The following ADAMTS12 variants were observed in gnomAD, a reference collection of about 807,000 sequenced individuals.
ADAMTS12 encodes the protein A disintegrin and metalloproteinase with thrombospondin motifs 12.
Under a neutral mutation model 167.8 loss-of-function variants are expected in ADAMTS12, and 118 were observed. The observed-to-expected ratio is 0.70, with a 90% CI of 0.61 to 0.82. The LOEUF (loss-of-function observed/expected upper bound fraction) is 0.82, where lower values mean the gene tolerates loss of function less well. Ranked by LOEUF, ADAMTS12 falls within the 40% of genes least tolerant of loss-of-function variation. The pLI is 0.00. For missense variants in ADAMTS12, 1,916 were observed against 1,998.8 expected, an observed-to-expected ratio of 0.96 and a Z score of 0.79; for synonymous variants, 704 against 716.9, an observed-to-expected ratio of 0.98 and a Z score of 0.29.
rs147663796 is a variant in ADAMTS12, at chr5:33,715,535, A to G, written c.635-31480T>C. ...AAACTTTGGCTAGGGGAATCTCTGG[A>G]ATGATAAAGGTTATTGAGATGCAAT... On this transcript the variant is annotated intron_variant, in intron 3 of 23. Transcript: ENST00000504830. 3.3e-4 allele frequency among the ~76,000 whole-genome samples: 50 copies of G among 152,250 alleles called. 1 individual carries two copies. In the East Asian group the frequency reaches 8.1e-3, roughly 25 times the overall value.
chr5:33,850,399 T>C lies in ADAMTS12; in HGVS notation c.489+30720A>G, dbSNP rs529852599. 1.1e-4 allele frequency among the ~76,000 whole-genome samples: 17 copies of C among 152,322 alleles called. No individual in the cohort carries two copies. In the South Asian group the frequency reaches 3.3e-3, roughly 30 times the overall value. ...CAAGAGAGTTCTTGGTGTGGCACTA[T>C]GCTAAGTGCTACACACCCATCCTCC... On this transcript the variant is annotated intron_variant, in intron 2 of 23. Coordinates refer to ENST00000504830, the MANE Select transcript of ADAMTS12 (RefSeq NM_030955.4).
chr5:33,806,958 C>T lies in ADAMTS12; in HGVS notation c.490-55410G>A, dbSNP rs577066708. Among the ~76,000 whole-genome samples the T allele has an allele frequency of 3.9e-5, 6 of 152,272 alleles. No individual in the cohort carries two copies. In the East Asian group the frequency reaches 5.8e-4, roughly 15 times the overall value. On this transcript the variant is annotated intron_variant, in intron 2 of 23. Transcript: ENST00000504830. Reference sequence around the variant, plus strand: ...TCCACTTCCCACTTGACTGCCTCTACGATAGGTTAAAACTGCAGACCTACT... The same window carrying T: ...TCCACTTCCCACTTGACTGCCTCTATGATAGGTTAAAACTGCAGACCTACT...
At chr5:33,594,139 C>T (rs1001007097) in intron 17 of ADAMTS12, among the ~76,000 whole-genome samples, 3 of 152,290 alleles carry the variant, frequency 2.0e-5, no homozygotes, top group African/African-American at 7.2e-5. Context: ...AATTGAATCA[C>T]GGGGGCGGAT....
chr5:33,642,019 A>C, intron 10 of ADAMTS12, 64 bp from the exon 11 acceptor site: 1 of 1,482,686 alleles, frequency 6.7e-7, no homozygotes, highest in Non-Finnish European at 9.1e-7. Flanking sequence ...CTGAGCCAAG[A>C]GCCCTAAAAG....
At chr5:33,774,409 A>G (rs1745843625) in intron 2 of ADAMTS12, among the ~76,000 whole-genome samples, 1 of 152,116 alleles carries the variant, frequency 6.6e-6, no homozygotes, top group Non-Finnish European at 1.5e-5. Context: ...TTTTCTAAGC[A>G]TGATTGTACA....
intron 7 of ADAMTS12, among the ~76,000 whole-genome samples, chr5:33,656,200 G>A (rs1741055096): frequency 6.6e-6 from 1 of 152,156 alleles, no homozygotes; most frequent in Non-Finnish European, 1.5e-5. Flanking sequence ...CAATATCAAA[G>A]TGATTCAGGT....
At chr5:33,861,119 A>G (rs972922929) in intron 2 of ADAMTS12, among the ~76,000 whole-genome samples, 20 of 152,258 alleles carry the variant, frequency 1.3e-4, no homozygotes, top group African/African-American at 4.8e-4. Flanking sequence ...AAGAAACTGC[A>G]TCAACTAACA....
intron 3 of ADAMTS12, among the ~76,000 whole-genome samples, chr5:33,749,981 CT>C: frequency 1.3e-5 from 2 of 152,276 alleles, no homozygotes; most frequent in Middle Eastern, 6.8e-3. Context: ...GTCCTAGTAA[CT>C]TTCTCCACCG....
chr5:33,765,989 C>T (rs886355939), intron 2 of ADAMTS12, among the ~76,000 whole-genome samples: 2 of 152,062 alleles, frequency 1.3e-5, no homozygotes, highest in Non-Finnish European at 2.9e-5. Flanking sequence ...GGTAAATCTT[C>T]GGTTGTTCTG....
intron 3 of ADAMTS12, among the ~76,000 whole-genome samples, chr5:33,714,715 A>C (rs371535986): frequency 3.9e-4 from 59 of 152,096 alleles, no homozygotes; most frequent in African/African-American, 1.4e-3. Flanking sequence ...ACAAAATTAC[A>C]TGTTCTCACT....
At chr5:33,759,409 C>T (rs1461703829) in intron 2 of ADAMTS12, among the ~76,000 whole-genome samples, 1 of 152,200 alleles carries the variant, frequency 6.6e-6, no homozygotes, top group Non-Finnish European at 1.5e-5. Context: ...CATTAACAAG[C>T]AGTTTTTGCT....
At chr5:33,741,531 G>A (rs770287389) in intron 3 of ADAMTS12, among the ~76,000 whole-genome samples, 10 of 152,122 alleles carry the variant, frequency 6.6e-5, no homozygotes, top group African/African-American at 2.2e-4. Flanking sequence ...TTCAACATAC[G>A]GATTTTGGGG....
rs1467281428 is a variant in ADAMTS12 at position 33,576,848 on chromosome 5, C to T, written c.3178G>A (p.Gly1060Arg). The change falls in exon 19 of 24, where the codon GGA becomes AGA. Residue 1060 changes from glycine to arginine, a missense_variant. Gly to Arg is a moderately radical substitution (Grantham distance 125, BLOSUM62 -2). Transcript: ENST00000504830. ...TGCCACTGTTTCCCACCCAGGTCTC[C>T]TTCTTTGGAGGCTGTGGTAGGACTA... is the stretch of plus-strand genomic sequence containing the variant. Reference protein sequence around the residue: ...SPSPTTASKEGDLGGKQWQDS... With the variant: ...SPSPTTASKERDLGGKQWQDS... The T allele has an allele frequency of 6.2e-7, 1 of 1,614,050 alleles. No individual in the cohort carries two copies. The highest frequency in any genetic ancestry group is 8.5e-7 in the Non-Finnish European group (1 of 1,180,038).
chr5:33,819,128 GC>G (rs1210711626), intron 2 of ADAMTS12, among the ~76,000 whole-genome samples: 1 of 151,968 alleles, frequency 6.6e-6, no homozygotes, highest in Non-Finnish European at 1.5e-5. Context: ...TGTAGCCTGA[GC>G]TTTTGGTGTG....
At chr5:33,697,830 G>T (rs1413408934) in intron 3 of ADAMTS12, among the ~76,000 whole-genome samples, 8 of 152,258 alleles carry the variant, frequency 5.3e-5, no homozygotes, top group African/African-American at 1.9e-4. Context: ...TACAGGGGCA[G>T]GACTTGCTTC....
chr5:33,615,783 T>G, intron 15 of ADAMTS12, 45 bp downstream of exon 15: 1 of 1,607,824 alleles, frequency 6.2e-7, no homozygotes, highest in Non-Finnish European at 8.5e-7. Context: ...GGAGAAGTAT[T>G]CTAACTAGCA....
At chr5:33,812,157 T>C (rs1747486329) in intron 2 of ADAMTS12, among the ~76,000 whole-genome samples, 2 of 152,066 alleles carry the variant, frequency 1.3e-5, no homozygotes, top group African/African-American at 2.4e-5. Flanking sequence ...GTCTTGGTGA[T>C]ATGTGCCTGT....
chr5:33,579,460 C>T (rs1420111316), intron 18 of ADAMTS12, among the ~76,000 whole-genome samples: 5 of 152,152 alleles, frequency 3.3e-5, no homozygotes, highest in Admixed American at 2.6e-4. Context: ...TTTTCTTTCT[C>T]TTCTTTCTCT....
Position 33,863,044 on chromosome 5 carries a change from A to C in ADAMTS12, c.489+18075T>G, listed in dbSNP as rs191015674. On this transcript the variant is annotated intron_variant, in intron 2 of 23. Transcript: ENST00000504830. Reference sequence around the variant, plus strand: ...ACTAGATGTCGATGAAACGTATCTCAAAATAATAAGAGCTATTTATGAGAA... The same window carrying C: ...ACTAGATGTCGATGAAACGTATCTCCAAATAATAAGAGCTATTTATGAGAA... 1.4e-3 allele frequency among the ~76,000 whole-genome samples: 219 copies of C among 152,348 alleles called. 2 individuals carry two copies. The highest frequency in any genetic ancestry group is 5.1e-3 in the African/African-American group (213 of 41,586).
Sources: gnomAD v4.1 joint callset for allele counts (sites outside exome capture counted in the v4.1 genomes callset) on GRCh38, gnomAD v4.1.1 for gene constraint, MANE v1.5 for transcripts, NCBI Gene and HGNC (gene_info 2026-07-23, HGNC 2026-07-21) for gene names.